Variants in ZNF521 observed in about 807,000 individuals in gnomAD.
ZNF521 encodes LYST-interacting protein 3.
Under a neutral mutation model 105.5 loss-of-function variants are expected in ZNF521, and 14 were observed. The ratio of observed to expected loss-of-function variants is 0.13; its 90% CI spans 0.09 to 0.21. ZNF521 has a LOEUF of 0.21. Among genes scored for constraint, ZNF521 ranks in the 10% least tolerant of loss-of-function variants. The pLI is 1.00. For synonymous variants in ZNF521, 635 were observed against 606.0 expected (o/e 1.05, Z -0.70); for missense variants, 1,233 against 1,629.7 (o/e 0.76, Z 4.19).
chr18:25,096,372 C>G (rs571709921), intron 5 of ZNF521, among the ~76,000 whole-genome samples: 64 of 152,112 alleles, frequency 4.2e-4, no homozygotes, highest in Non-Finnish European at 8.4e-4. Flanking sequence ...AAAACCTGGA[C>G]CTACATAACT....
chr18:25,274,458 A>T (rs1318150085), intron 3 of ZNF521, among the ~76,000 whole-genome samples: 1 of 152,206 alleles, frequency 6.6e-6, no homozygotes, highest in Non-Finnish European at 1.5e-5. Context: ...CTATTACCAT[A>T]CTGTTGAAAA....
chr18:25,100,428 G>A (rs2033944035), intron 5 of ZNF521, among the ~76,000 whole-genome samples: 1 of 152,032 alleles, frequency 6.6e-6, no homozygotes, highest in African/African-American at 2.4e-5. Context: ...CTCTCCTTCT[G>A]ATTCTGTTTA....
intron 3 of ZNF521, among the ~76,000 whole-genome samples, chr18:25,273,319 C>T (rs1909806672): frequency 6.7e-6 from 1 of 148,194 alleles, no homozygotes; most frequent in Admixed American, 6.8e-5. Context: ...TTTTGTTGCG[C>T]AGTCACAATA....
chr18:25,174,758 A>ACTG (rs918119912), intron 5 of ZNF521, among the ~76,000 whole-genome samples: 3 of 152,150 alleles, frequency 2.0e-5, no homozygotes, highest in African/African-American at 7.2e-5. Flanking sequence ...AACATCTTTC[A>ACTG]CTGCTCTGAC....
chr18:25,174,767 A>G (rs112529693), intron 5 of ZNF521, among the ~76,000 whole-genome samples: 32 of 152,040 alleles, frequency 2.1e-4, no homozygotes, highest in African/African-American at 7.5e-4. Context: ...CACTGCTCTG[A>G]CCCCCATGCA....
chr18:25,190,841 G>A (rs953755100), intron 5 of ZNF521, among the ~76,000 whole-genome samples: 1 of 152,114 alleles, frequency 6.6e-6, no homozygotes, highest in Non-Finnish European at 1.5e-5. Flanking sequence ...CATAGAGTAC[G>A]TATCTTCCTA....
At chr18:25,203,281 C>T (rs985488624) in intron 4 of ZNF521, among the ~76,000 whole-genome samples, 5 of 152,060 alleles carry the variant, frequency 3.3e-5, no homozygotes, top group South Asian at 4.2e-4. Flanking sequence ...AGAGATAGGA[C>T]GTGATCTGAG....
chr18:25,217,416 T>G (rs1237501923), intron 4 of ZNF521, among the ~76,000 whole-genome samples: 1 of 152,118 alleles, frequency 6.6e-6, no homozygotes, highest in Non-Finnish European at 1.5e-5. Flanking sequence ...AAAAGAGGAA[T>G]GAGGAATGAT....
intron 3 of ZNF521, among the ~76,000 whole-genome samples, chr18:25,303,307 T>A (rs916025088): frequency 1.2e-4 from 13 of 107,916 alleles, no homozygotes; most frequent in Non-Finnish European, 2.2e-4. Flanking sequence ...TGTGTGTGTG[T>A]GTGAGAGAGA....
At chr18:25,295,040 T>C (rs962451144) in intron 3 of ZNF521, among the ~76,000 whole-genome samples, 2 of 152,070 alleles carry the variant, frequency 1.3e-5, no homozygotes, top group Non-Finnish European at 2.9e-5. Context: ...ATATAACTAC[T>C]ATACTAGTAT....
chr18:25,150,905 TTG>T (rs2035036200), intron 5 of ZNF521, among the ~76,000 whole-genome samples: 1 of 150,584 alleles, frequency 6.6e-6, no homozygotes. Flanking sequence ...TTTTTTTTTT[TTG>T]AGACAGAGTC....
chr18:25,110,769 C>CT (rs953244845), intron 5 of ZNF521, among the ~76,000 whole-genome samples: 4 of 150,346 alleles, frequency 2.7e-5, no homozygotes, highest in Admixed American at 6.6e-5. Context: ...TTTCCCCCTC[C>CT]TTTTTTTTTG....
chr18:25,076,892 A>T (rs2033374913), intron 7 of ZNF521, among the ~76,000 whole-genome samples: 1 of 152,246 alleles, frequency 6.6e-6, no homozygotes, highest in African/African-American at 2.4e-5. Flanking sequence ...GCCCCCTTAT[A>T]GGGTATAATC....
At chr18:25,215,873 A>G (rs1338135212) in intron 4 of ZNF521, among the ~76,000 whole-genome samples, 2 of 152,138 alleles carry the variant, frequency 1.3e-5, no homozygotes, top group Non-Finnish European at 1.5e-5. Flanking sequence ...TCCCTGTTCT[A>G]TTACTTTGTA....
At chr18:25,277,098 G>C (rs1268866594) in intron 3 of ZNF521, among the ~76,000 whole-genome samples, 1 of 151,334 alleles carries the variant, frequency 6.6e-6, no homozygotes, top group Non-Finnish European at 1.5e-5. Context: ...CAGGACAATC[G>C]CTTGAACCTG....
intron 7 of ZNF521, among the ~76,000 whole-genome samples, chr18:25,073,949 T>C (rs2033287393): frequency 6.6e-6 from 1 of 151,806 alleles, no homozygotes; most frequent in Non-Finnish European, 1.5e-5. Context: ...TAAAGATATA[T>C]AAAAATAAAA....
Position 25,223,555 on chromosome 18 carries a change from A to C in ZNF521, c.3573+790T>G, listed in dbSNP as rs570375332. On this transcript the variant is annotated intron_variant, in intron 4 of 7. Coordinates refer to ENST00000361524, the MANE Select transcript of ZNF521 (RefSeq NM_015461.3). The stretch of plus-strand genomic sequence containing the variant: ...TTTTAGAAACCAGGTGATAAAGCAT[A>C]AAGAAATATTAAAATGAGCCATCCT... Among the ~76,000 whole-genome samples, 3 of 152,332 alleles carry C rather than the reference A, an allele frequency of 2.0e-5. No individual in the cohort carries two copies. In the East Asian group the frequency reaches 5.8e-4, roughly 29 times the overall value.
chr18:25,268,026 G>A (rs1909389549), intron 3 of ZNF521, among the ~76,000 whole-genome samples: 1 of 152,066 alleles, frequency 6.6e-6, no homozygotes. Flanking sequence ...AGGAAGCTAA[G>A]AACACTGAAA....
At chr18:25,321,649 A>T (rs1912939723) in intron 3 of ZNF521, among the ~76,000 whole-genome samples, 1 of 152,242 alleles carries the variant, frequency 6.6e-6, no homozygotes, top group Admixed American at 6.5e-5. Flanking sequence ...GTGTTATCTA[A>T]GCTAACATGT....
Sources: allele counts gnomAD v4.1 joint callset (sites outside exome capture counted in the v4.1 genomes callset), GRCh38; gene constraint gnomAD v4.1.1; transcripts MANE v1.5; gene names NCBI Gene and HGNC (gene_info 2026-07-23, HGNC 2026-07-21).